EFCAB5: variants seen among roughly 807,000 people sequenced by gnomAD.
The protein encoded by EFCAB5 is EF-hand calcium binding domain 5, also known as EF-hand calcium-binding domain-containing protein 5.
In EFCAB5, 131 loss-of-function variants were observed where a neutral mutation model predicts 167.9. That is an observed-to-expected ratio of 0.78 (90% confidence interval 0.68 to 0.90). The LOEUF (loss-of-function observed/expected upper bound fraction) is 0.90. Ranked by LOEUF, EFCAB5 falls within the 40% of genes least tolerant of loss-of-function variation. The pLI, the probability that EFCAB5 is intolerant of heterozygous loss-of-function variation, is 0.00. For missense variants in EFCAB5, 1,663 were observed against 1,745.2 expected (o/e 0.95, Z 0.84); for synonymous variants, 574 against 602.8 (o/e 0.95, Z 0.70).
intron 4 of EFCAB5, among the ~76,000 whole-genome samples, chr17:29,970,735 G>A (rs1476925816): frequency 6.6e-6 from 1 of 151,620 alleles, no homozygotes; most frequent in East Asian, 1.9e-4. Context: ...GTTTCGGGGT[G>A]TCTTTCCATT....
chr17:29,950,858 T>C (rs2067495027), intron 3 of EFCAB5, among the ~76,000 whole-genome samples: 1 of 152,202 alleles, frequency 6.6e-6, no homozygotes, highest in Admixed American at 6.5e-5. Context: ...ACATAGGTTT[T>C]TGACTGTGCA....
rs80286432 is a variant in EFCAB5, at chr17:30,051,475, A to T, written c.1300+258A>T. On this transcript the variant is annotated intron_variant, in intron 9 of 22. Transcript: ENST00000394835. Reference sequence around the variant, plus strand: ...TTATATCAGAACTCAGCTAGAACTCAATTCTAAATTCATTCAAATGAAGAA... The same window carrying T: ...TTATATCAGAACTCAGCTAGAACTCTATTCTAAATTCATTCAAATGAAGAA... 6.0e-3 allele frequency among the ~76,000 whole-genome samples: 916 copies of T among 152,350 alleles called. 27 individuals are homozygous for T. Among genetic ancestry groups the T allele is most frequent in the Admixed American group, 0.045 (687 of 15,302 alleles).
At chr17:30,040,834 C>T (rs977673314) in intron 8 of EFCAB5, among the ~76,000 whole-genome samples, 5 of 152,240 alleles carry the variant, frequency 3.3e-5, no homozygotes, top group African/African-American at 1.2e-4. Flanking sequence ...TCAGGCATGT[C>T]TGGACAGGTC....
At position 30,082,991 on chromosome 17, in the gene EFCAB5, C is replaced by T. The variant is rs770915237; in HGVS notation, c.3527C>T (p.Thr1176Ile). 3.7e-6 allele frequency: 6 copies of T among 1,613,924 alleles called. No homozygotes were observed. The Admixed American group carries it at 1.0e-4, about 27-fold the overall frequency. ...GGCATAGGCTGGCTTTATGACGTCA[C>T]ATCCAGCATCACCTCCATCACTACG... ...ITGIGWLYDV[T>I]SSITSITTYF... The change falls in exon 18 of 23, where the codon ACA becomes ATA. Residue 1176 changes from threonine (T) to isoleucine (I), a missense_variant. Thr to Ile is a moderately conservative substitution (Grantham distance 89). Coordinates refer to ENST00000394835, the MANE Select transcript of EFCAB5 (RefSeq NM_198529.4).
Position 30,056,174 on chromosome 17 carries a change from AAGT to A in EFCAB5, c.2365+21_2365+23del. 1 of 1,590,976 alleles carries A rather than the reference AAGT, an allele frequency of 6.3e-7. No individual in the cohort carries two copies. Among genetic ancestry groups the A allele is most frequent in the Middle Eastern group, 1.8e-4 (1 of 5,690 alleles). ...GTTCACAGGTACATGTTAACAATGA[AAGT>A]AGGAATAGATGGCAGTCCAATAGAT... is the stretch of plus-strand genomic sequence containing the variant. On this transcript the variant is annotated intron_variant, in intron 12 of 22. Transcript: ENST00000394835.
Position 30,080,162 on chromosome 17 carries a change from T to C in EFCAB5, c.3118T>C (p.Leu1040=). 6.2e-7 allele frequency: 1 copy of C among 1,613,948 alleles called. No homozygotes were observed. The highest frequency in any genetic ancestry group is 8.5e-7 in the Non-Finnish European group (1 of 1,179,848). The change falls in exon 16 of 23, where the codon TTG becomes CTG. Residue 1040 remains leucine, a synonymous_variant. Coordinates refer to ENST00000394835, the MANE Select transcript of EFCAB5 (RefSeq NM_198529.4). ...ACTGCCTGAGAAAGGGAATGTTCTA[T>C]TGAGGAATGTGGCTTGTACCTTAGA... is the stretch of plus-strand genomic sequence containing the variant. ...LLLPEKGNVL[L]RNVACTLDDA...
At chr17:30,076,711 T>C (rs1456489397) in intron 14 of EFCAB5, among the ~76,000 whole-genome samples, 1 of 152,234 alleles carries the variant, frequency 6.6e-6, no homozygotes, top group Non-Finnish European at 1.5e-5. Flanking sequence ...AATTTATAAC[T>C]GTCAAAGAAT....
At chr17:30,056,247 C>A in intron 12 of EFCAB5, 91 bp downstream of exon 12, 1 of 1,210,932 alleles carries the variant, frequency 8.3e-7, no homozygotes, top group Admixed American at 2.3e-5. Flanking sequence ...CTGAATTTAG[C>A]TAAGGCAGAA....
chr17:30,078,378 G>A lies in EFCAB5; in HGVS notation c.2901G>A (p.Arg967=). The A allele has an allele frequency of 6.2e-7, 1 of 1,613,998 alleles. No individual in the cohort carries two copies. Among genetic ancestry groups the A allele is most frequent in the Non-Finnish European group, 8.5e-7 (1 of 1,179,890 alleles). The change falls in exon 15 of 23, where the codon AGG becomes AGA. Residue 967 remains arginine (R), a synonymous_variant. Transcript: ENST00000394835. The part of the protein sequence containing the change: ...VVEFLMNALE[R]SHIESLRNSA... ...AATTTCTGATGAATGCTTTAGAGAGGAGCCACATTGAGAGTCTGAGGAATT... is the reference window on the plus strand; with the variant it reads ...AATTTCTGATGAATGCTTTAGAGAGAAGCCACATTGAGAGTCTGAGGAATT...
chr17:29,957,504 A>G (rs2151551207), intron 3 of EFCAB5, among the ~76,000 whole-genome samples: 1 of 152,064 alleles, frequency 6.6e-6, no homozygotes, highest in East Asian at 1.9e-4. Flanking sequence ...AACAGGCCCC[A>G]GTGTATGTTG....
chr17:30,090,739 G>A (rs1433727204), intron 20 of EFCAB5, 65 bp downstream of exon 20: 2 of 1,535,022 alleles, frequency 1.3e-6, no homozygotes, highest in Non-Finnish European at 1.7e-6. Flanking sequence ...ATCACAGGGA[G>A]TGCAATGAAA....
At chr17:30,082,591 A>T (rs541719255) in intron 17 of EFCAB5, among the ~76,000 whole-genome samples, 1 of 152,022 alleles carries the variant, frequency 6.6e-6, no homozygotes, top group Non-Finnish European at 1.5e-5. Flanking sequence ...GGGTTTCACC[A>T]TGTTGGCCAG....
At chr17:30,047,951 G>C (rs746067454) in intron 8 of EFCAB5, among the ~76,000 whole-genome samples, 6 of 152,136 alleles carry the variant, frequency 3.9e-5, no homozygotes, top group Non-Finnish European at 7.4e-5. Context: ...TTTACTCTAG[G>C]CTTTACTCAA....
chr17:30,084,867 C>T (rs1054616915), intron 18 of EFCAB5, among the ~76,000 whole-genome samples: 3 of 152,100 alleles, frequency 2.0e-5, no homozygotes, highest in Non-Finnish European at 2.9e-5. Context: ...TTCTGTTTCC[C>T]TCTCTGTCAG....
chr17:30,073,808 C>A (rs2070806289), intron 14 of EFCAB5: 1 of 480,334 alleles, frequency 2.1e-6, no homozygotes. Flanking sequence ...CACCTGTAAT[C>A]CCAGCTACTC....
chr17:30,063,482 C>T (rs2070480312), intron 14 of EFCAB5, among the ~76,000 whole-genome samples: 1 of 152,186 alleles, frequency 6.6e-6, no homozygotes. Flanking sequence ...GTGCCCTGCC[C>T]CCCAGGGGTA....
intron 7 of EFCAB5, among the ~76,000 whole-genome samples, chr17:30,020,375 T>C (rs575785487): frequency 6.6e-6 from 1 of 150,918 alleles, no homozygotes; most frequent in South Asian, 2.1e-4. Context: ...TTTTTCTTTT[T>C]TTTTTTTGAG....
At chr17:29,956,065 A>G (rs568281536) in intron 3 of EFCAB5, among the ~76,000 whole-genome samples, 1 of 152,344 alleles carries the variant, frequency 6.6e-6, no homozygotes, top group Admixed American at 6.5e-5. Flanking sequence ...AACAATGGGG[A>G]CAGAGCTTCC....
intron 10 of EFCAB5, among the ~76,000 whole-genome samples, chr17:30,054,699 C>A (rs1246504953): frequency 1.3e-5 from 2 of 152,178 alleles, no homozygotes; most frequent in Non-Finnish European, 2.9e-5. Context: ...CCACAATCAA[C>A]CACAGTCAGA....
Sources: allele counts gnomAD v4.1 joint callset (sites outside exome capture counted in the v4.1 genomes callset), GRCh38; gene constraint gnomAD v4.1.1; transcripts MANE v1.5; gene names NCBI Gene and HGNC (gene_info 2026-07-23, HGNC 2026-07-21).